GSG1L2: variants seen among roughly 807,000 people sequenced by gnomAD.
GSG1L2 encodes the protein GSG1 like 2.
A neutral mutation model predicts 9.0 loss-of-function variants in GSG1L2; 15 were observed. The ratio of observed to expected loss-of-function variants is 1.67; its 90% CI spans 1.12 to 2.57. The LOEUF (loss-of-function observed/expected upper bound fraction) is 2.57. Among genes scored for constraint, GSG1L2 ranks in the 30% most tolerant of loss-of-function variants. GSG1L2 has a pLI of 0.00. For missense variants in GSG1L2, 286 were observed against 150.3 expected (o/e 1.90, Z -4.72); for synonymous variants, 127 against 57.9 (o/e 2.19, Z -5.41).
intron 1 of GSG1L2, 55 bp from the exon 2 acceptor site, chr17:9,810,673 C>A: frequency 1.4e-6 from 1 of 702,170 alleles, no homozygotes; most frequent in South Asian, 1.5e-5. Flanking sequence ...AACCAGGGGG[C>A]AAATGGTGAA....
chr17:9,818,671 G>A (rs1019553454), intron 1 of GSG1L2, among the ~76,000 whole-genome samples: 3 of 151,838 alleles, frequency 2.0e-5, no homozygotes, highest in Non-Finnish European at 4.4e-5. Context: ...ACCAGATCCC[G>A]TGAGAAATCA....
At chr17:9,805,106 A>G (rs2066511893) in intron 4 of GSG1L2, 1 of 152,178 alleles carries the variant, frequency 6.6e-6, no homozygotes, top group Non-Finnish European at 1.5e-5. Flanking sequence ...AGAAAGTAAT[A>G]AGATCCTTGA....
chr17:9,809,508 T>C (rs1245431663), intron 2 of GSG1L2: 1 of 159,084 alleles, frequency 6.3e-6, no homozygotes, highest in African/African-American at 2.4e-5. Context: ...GGTGGCCAGC[T>C]TTTATCCCCT....
chr17:9,819,095 A>AG (rs555133133), intron 1 of GSG1L2, among the ~76,000 whole-genome samples: 1 of 152,164 alleles, frequency 6.6e-6, no homozygotes, highest in African/African-American at 2.4e-5. Context: ...CATAATCACC[A>AG]GGGGGGCTTA....
intron 1 of GSG1L2, among the ~76,000 whole-genome samples, chr17:9,811,236 A>T (rs1446360317): frequency 6.6e-6 from 1 of 152,226 alleles, no homozygotes; most frequent in Non-Finnish European, 1.5e-5. Flanking sequence ...GAGCAGATTC[A>T]GAGCCATGTC....
At position 9,816,719 on chromosome 17, in the gene GSG1L2, CTG is replaced by C. The variant is rs1383690818; in HGVS notation, c.310+5041_310+5042del. 1.5e-4 allele frequency among the ~76,000 whole-genome samples: 20 copies of C among 137,394 alleles called. No homozygotes were observed. In the South Asian group the frequency reaches 1.6e-3, roughly 11 times the overall value. The allele number at this position is 137,394 out of a possible 152,430, so 90.1% of individuals were successfully genotyped here. The stretch of plus-strand genomic sequence containing the variant: ...TGTGTGCATGCGTGTCTGTGTGTAT[CTG>C]TGTCTGTGTGTGCATGTGTGTATCT... On this transcript the variant is annotated intron_variant, in intron 1 of 4. Coordinates refer to ENST00000399363, the MANE Select transcript of GSG1L2 (RefSeq NM_001310219.2).
chr17:9,809,893 G>A (rs2152023160), intron 2 of GSG1L2: 1 of 152,450 alleles, frequency 6.6e-6, no homozygotes, highest in East Asian at 1.9e-4. Flanking sequence ...TGGAGGGTCT[G>A]TGAGTTGGAG....
rs2066576420 is a variant in GSG1L2 at position 9,818,500 on chromosome 17, AATTTTTTT to A, written c.310+3254_310+3261del. Among the ~76,000 whole-genome samples, 3 of 88,162 alleles carry A rather than the reference AATTTTTTT, an allele frequency of 3.4e-5. No individual in the cohort carries two copies. In the South Asian group the frequency reaches 1.5e-3, roughly 43 times the overall value. The allele number at this position is 88,162 out of a possible 152,430, so 57.8% of individuals were successfully genotyped here. On this transcript the variant is annotated intron_variant, in intron 1 of 4. Transcript: ENST00000399363. ...AGGTGCACACCACCACACACAGCTA[AATTTTTTT>A]TTTTTTTTTTTTTTTTTTTTGTATT...
intron 1 of GSG1L2, among the ~76,000 whole-genome samples, chr17:9,816,083 C>T (rs907378004): frequency 6.6e-6 from 1 of 152,214 alleles, no homozygotes; most frequent in Non-Finnish European, 1.5e-5. Context: ...CAAGAAGCCT[C>T]TCACCAGATG....
At chr17:9,806,465 C>A (rs531982735) in intron 4 of GSG1L2, among the ~76,000 whole-genome samples, 1 of 152,256 alleles carries the variant, frequency 6.6e-6, no homozygotes, top group East Asian at 1.9e-4. Flanking sequence ...TTTTAACAAC[C>A]ATTTACATAT....
intron 4 of GSG1L2, among the ~76,000 whole-genome samples, chr17:9,803,432 G>C (rs541438192): frequency 6.6e-6 from 1 of 152,248 alleles, no homozygotes; most frequent in East Asian, 1.9e-4. Context: ...CCCCATCCAG[G>C]CTGTAAGCCT....
intron 1 of GSG1L2, among the ~76,000 whole-genome samples, chr17:9,821,030 G>A (rs1486036039): frequency 1.3e-5 from 2 of 152,070 alleles, no homozygotes; most frequent in Non-Finnish European, 2.9e-5. Flanking sequence ...TATGAGAATG[G>A]AAAAAGAAAA....
chr17:9,816,567 T>TCTGTGC (rs2066563259), intron 1 of GSG1L2, among the ~76,000 whole-genome samples: 1 of 122,340 alleles, frequency 8.2e-6, no homozygotes, highest in African/African-American at 4.2e-5. Context: ...TGCATGCATA[T>TCTGTGC]CTGTGTCTGT....
chr17:9,816,492 GTC>G (rs2066561861), intron 1 of GSG1L2, among the ~76,000 whole-genome samples: 2 of 149,676 alleles, frequency 1.3e-5, no homozygotes, highest in African/African-American at 5.0e-5. Flanking sequence ...GTGTGCATGT[GTC>G]TGTGTGTGCC....
rs2066527801 is a variant in GSG1L2, at chr17:9,809,047, T to C, written c.359-65A>G. The C allele has an allele frequency of 8.7e-6, 6 of 685,730 alleles. No homozygotes were observed. In the Admixed American group the frequency reaches 1.0e-4, roughly 12 times the overall value. 42.5% of individuals were successfully genotyped at this position (685,730 alleles called of 1,614,324 possible). A position where few individuals can be genotyped will look rare whatever the true frequency, so the allele number is the denominator to read the frequency against. ...AATTCAGAAATACTAAAATGTTCAA[T>C]CCTTTGATTTAGTTCACTTCTAAAC... On this transcript the variant is annotated intron_variant, in intron 2 of 4. Transcript: ENST00000399363.
chr17:9,816,489 T>G (rs1321121067), intron 1 of GSG1L2, among the ~76,000 whole-genome samples: 1 of 114,638 alleles, frequency 8.7e-6, no homozygotes. Context: ...TGTGTGTGCA[T>G]GTGTCTGTGT....
intron 1 of GSG1L2, among the ~76,000 whole-genome samples, chr17:9,811,979 G>GTCTA (rs1555565948): frequency 6.6e-6 from 1 of 151,624 alleles, no homozygotes; most frequent in East Asian, 2.0e-4. Context: ...CCAACCAATA[G>GTCTA]TCACTTATCA....
intron 1 of GSG1L2, among the ~76,000 whole-genome samples, chr17:9,812,435 C>T (rs1428175557): frequency 6.6e-6 from 1 of 152,066 alleles, no homozygotes; most frequent in Non-Finnish European, 1.5e-5. Context: ...TTTTGCCTCC[C>T]CAGCACCACC....
chr17:9,817,295 GC>G lies in GSG1L2; in HGVS notation c.310+4466del, dbSNP rs1361112860. 1.1e-4 allele frequency among the ~76,000 whole-genome samples: 16 copies of G among 152,256 alleles called. No homozygotes were observed. In the Middle Eastern group the frequency reaches 0.02, roughly 194 times the overall value. Reference sequence around the variant, plus strand: ...CCCATGCGGATTTTTCCTGCCAGCTGCCTGGTTACTGATGAAGCAGCTCCCT... The same window carrying G: ...CCCATGCGGATTTTTCCTGCCAGCTGCTGGTTACTGATGAAGCAGCTCCCT... On this transcript the variant is annotated intron_variant, in intron 1 of 4. Transcript: ENST00000399363.
Sources: allele counts gnomAD v4.1 joint callset (sites outside exome capture counted in the v4.1 genomes callset), GRCh38; gene constraint gnomAD v4.1.1; transcripts MANE v1.5; gene names NCBI Gene and HGNC (gene_info 2026-07-23, HGNC 2026-07-21).